The following AK5 variants were observed in gnomAD, a reference collection of about 807,000 sequenced individuals.
AK5 encodes adenylate kinase 5.
Under a neutral mutation model 69.5 loss-of-function variants are expected in AK5, and 27 were observed. The ratio of observed to expected loss-of-function variants is 0.39; its 90% CI spans 0.29 to 0.54. The LOEUF (loss-of-function observed/expected upper bound fraction) is 0.54, where lower values mean the gene tolerates loss of function less well. AK5 is among the 20% of genes least tolerant of loss of function. The pLI, the probability that AK5 is intolerant of heterozygous loss-of-function variation, is 0.71. For missense variants in AK5, 531 were observed against 700.4 expected (o/e 0.76, Z 2.73); for synonymous variants, 260 against 244.4 (o/e 1.06, Z -0.60).
chr1:77,340,692 A>G (rs1661610462), intron 6 of AK5, 124 bp downstream of exon 6: 1 of 630,872 alleles, frequency 1.6e-6, no homozygotes, highest in South Asian at 4.8e-5. Flanking sequence ...TACAGAACCA[A>G]TGGAAAAAAA....
chr1:77,501,325 C>T (rs1252671803), intron 10 of AK5, among the ~76,000 whole-genome samples: 1 of 152,232 alleles, frequency 6.6e-6, no homozygotes, highest in African/African-American at 2.4e-5. Flanking sequence ...CAACTGCCCT[C>T]CACGAATTCT....
intron 8 of AK5, among the ~76,000 whole-genome samples, chr1:77,475,386 AT>A (rs1360459592): frequency 8.4e-5 from 2 of 23,800 alleles, no homozygotes; most frequent in Non-Finnish European, 1.5e-4. Flanking sequence ...TATTATATAT[AT>A]GTATATATAT....
chr1:77,437,849 CAA>C (rs1553150681), intron 8 of AK5, among the ~76,000 whole-genome samples: 3 of 151,992 alleles, frequency 2.0e-5, no homozygotes, highest in Non-Finnish European at 4.4e-5. Context: ...ATTTTTATGT[CAA>C]AGATACCTTC....
intron 6 of AK5, among the ~76,000 whole-genome samples, chr1:77,384,532 A>G (rs1465108184): frequency 6.6e-6 from 1 of 152,188 alleles, no homozygotes; most frequent in Non-Finnish European, 1.5e-5. Context: ...GAAAAGCTAC[A>G]TAAGTCGATC....
intron 6 of AK5, among the ~76,000 whole-genome samples, chr1:77,376,579 T>C (rs113207582): frequency 0.013 from 1,995 of 152,198 alleles, 47 homozygotes; most frequent in African/African-American, 0.046. Flanking sequence ...ATTAACATTT[T>C]AATGTTATAT....
chr1:77,350,968 G>A (rs564837836), intron 6 of AK5, among the ~76,000 whole-genome samples: 2 of 152,250 alleles, frequency 1.3e-5, no homozygotes, highest in Non-Finnish European at 2.9e-5. Flanking sequence ...TAATTCAATC[G>A]TTATACATGG....
chr1:77,294,195 C>T (rs150319077), intron 3 of AK5, among the ~76,000 whole-genome samples: 64 of 152,188 alleles, frequency 4.2e-4, no homozygotes, highest in African/African-American at 1.5e-3. Context: ...AATAAAAGGT[C>T]ATAGAAATTC....
intron 6 of AK5, among the ~76,000 whole-genome samples, chr1:77,342,631 AAAG>A (rs1661715275): frequency 6.6e-6 from 1 of 152,190 alleles, no homozygotes; most frequent in Non-Finnish European, 1.5e-5. Flanking sequence ...AAAATTTGAC[AAAG>A]AAGCAAAACA....
At chr1:77,310,492 G>A (rs144835622) in intron 5 of AK5, among the ~76,000 whole-genome samples, 1 of 151,806 alleles carries the variant, frequency 6.6e-6, no homozygotes, top group African/African-American at 2.4e-5. Flanking sequence ...CCACTCTCCC[G>A]CCTCAGCCTC....
chr1:77,423,881 C>A (rs1415925490), intron 8 of AK5, among the ~76,000 whole-genome samples: 2 of 152,204 alleles, frequency 1.3e-5, no homozygotes, highest in Non-Finnish European at 2.9e-5. Flanking sequence ...TTAACAAGGC[C>A]TGCCCTCAGA....
At chr1:77,482,986 G>T (rs1655353950) in intron 8 of AK5, among the ~76,000 whole-genome samples, 1 of 99,412 alleles carries the variant, frequency 1.0e-5, no homozygotes, top group Non-Finnish European at 1.8e-5. Flanking sequence ...GATAGTTTTT[G>T]CACTTTAAAA....
intron 11 of AK5, 88 bp downstream of exon 11, chr1:77,518,815 TAAGAAACCCA>T: frequency 7.5e-7 from 1 of 1,331,266 alleles, no homozygotes; most frequent in Non-Finnish European, 1.0e-6. Context: ...CTGCTGGAAC[TAAGAAACCCA>T]AAGAAACAAT....
At chr1:77,294,102 A>T (rs756335068) in intron 3 of AK5, 142 bp downstream of exon 3, 14 of 681,498 alleles carry the variant, frequency 2.1e-5, no homozygotes, top group Non-Finnish European at 2.4e-5. Context: ...CAATAAATGG[A>T]AATATTCTTA....
intron 11 of AK5, among the ~76,000 whole-genome samples, chr1:77,521,205 C>T (rs564865068): frequency 5.9e-5 from 9 of 151,792 alleles, no homozygotes; most frequent in African/African-American, 1.9e-4. Context: ...AGGATCTTGA[C>T]TTGCTGCAGT....
chr1:77,469,804 T>C (rs1038420449), intron 8 of AK5, among the ~76,000 whole-genome samples: 7 of 152,246 alleles, frequency 4.6e-5, no homozygotes, highest in African/African-American at 1.4e-4. Context: ...ACTAGCATAC[T>C]GTAACCTCTT....
chr1:77,540,913 C>G (rs1404831315), intron 13 of AK5, among the ~76,000 whole-genome samples: 1 of 148,196 alleles, frequency 6.7e-6, no homozygotes, highest in Admixed American at 6.7e-5. Flanking sequence ...TTGTTTGTTT[C>G]TTTTTTTTTT....
intron 5 of AK5, among the ~76,000 whole-genome samples, chr1:77,307,608 TCTATTA>T (rs1478584440): frequency 6.6e-6 from 1 of 152,204 alleles, no homozygotes; most frequent in Non-Finnish European, 1.5e-5. Context: ...TCTGTAAATA[TCTATTA>T]GATACATTTG....
chr1:77,376,433 CAAAAAA>C (rs757594684), intron 6 of AK5, among the ~76,000 whole-genome samples: 6 of 13,426 alleles, frequency 4.5e-4, no homozygotes, highest in East Asian at 3.7e-3. Context: ...CACTCAATGC[CAAAAAA>C]AAAAAAAAAA....
intron 12 of AK5, among the ~76,000 whole-genome samples, chr1:77,523,820 C>T (rs1276835433): frequency 6.6e-6 from 1 of 152,132 alleles, no homozygotes; most frequent in Non-Finnish European, 1.5e-5. Flanking sequence ...TGCACCACCA[C>T]ACCCAGCTAA....
Sources: allele counts gnomAD v4.1 joint callset (sites outside exome capture counted in the v4.1 genomes callset), GRCh38; gene constraint gnomAD v4.1.1; transcripts MANE v1.5; gene names NCBI Gene and HGNC (gene_info 2026-07-23, HGNC 2026-07-21).